The following PTPN4 variants were observed in gnomAD, a reference collection of about 807,000 sequenced individuals.
PTPN4 encodes protein tyrosine phosphatase non-receptor type 4, also known as tyrosine-protein phosphatase non-receptor type 4.
Under a neutral mutation model 135.5 loss-of-function variants are expected in PTPN4, and 49 were observed. The observed-to-expected ratio is 0.36, with a 90% confidence interval of 0.29 to 0.46. The LOEUF (loss-of-function observed/expected upper bound fraction) is 0.46, where lower values mean the gene tolerates loss of function less well. PTPN4 is among the 20% of genes least tolerant of loss of function. PTPN4 has a pLI of 1.00. For synonymous variants in PTPN4, 333 were observed against 369.9 expected (o/e 0.90, Z 1.14); for missense variants, 860 against 1,101.0 (o/e 0.78, Z 3.10).
chr2:119,811,053 A>C (rs1276170885), intron 2 of PTPN4, among the ~76,000 whole-genome samples: 1 of 152,028 alleles, frequency 6.6e-6, no homozygotes, highest in African/African-American at 2.4e-5. Context: ...GTAATATAAA[A>C]TATGAATCTT....
At position 119,801,900 on chromosome 2, in the gene PTPN4, G is replaced by GTTT. The variant is rs768983862; in HGVS notation, c.-17-7919_-17-7917dup. Among the ~76,000 whole-genome samples the GTTT allele has an allele frequency of 3.5e-3, 350 of 98,754 alleles. 16 individuals are homozygous for GTTT. The highest frequency in any genetic ancestry group is 9.6e-3 in the South Asian group (25 of 2,596). The allele number at this position is 98,754 out of a possible 152,430, so 64.8% of individuals were successfully genotyped here. On this transcript the variant is annotated intron_variant, in intron 1 of 26. Transcript: ENST00000263708. ...TTCTGTTTTTTCTTTCTTTCTTTCC[G>GTTT]TTTTTTTTTTTTTTTTTTTTGAGGC... is the stretch of plus-strand genomic sequence containing the variant.
chr2:119,889,464 A>G (rs1678209655), intron 9 of PTPN4, among the ~76,000 whole-genome samples: 1 of 152,146 alleles, frequency 6.6e-6, no homozygotes, highest in African/African-American at 2.4e-5. Flanking sequence ...TTTCTGTAGT[A>G]TCAGTTGCAG....
intron 14 of PTPN4, 134 bp downstream of exon 14, chr2:119,932,683 C>T: frequency 9.3e-7 from 1 of 1,077,238 alleles, no homozygotes; most frequent in Non-Finnish European, 1.3e-6. Context: ...TTTTGTTGCT[C>T]CAGAGCATTA....
Position 119,862,515 on chromosome 2 carries a change from AATT to A in PTPN4, c.139-20_139-18del. On this transcript the variant is annotated intron_variant, in intron 2 of 26. Coordinates refer to ENST00000263708, the MANE Select transcript of PTPN4 (RefSeq NM_002830.4). Reference sequence around the variant, plus strand: ...TAACCTATCAAAGTTGATTTCATTCAATTTTTTTTTTTTTTTACAGAAACATGA... The same window carrying A: ...TAACCTATCAAAGTTGATTTCATTCATTTTTTTTTTTTTACAGAAACATGA... 4 of 1,399,904 alleles carry A rather than the reference AATT, an allele frequency of 2.9e-6. No homozygotes were observed. Among genetic ancestry groups the A allele is most frequent in the Admixed American group, 3.5e-5 (2 of 56,882 alleles). The allele number at this position is 1,399,904 out of a possible 1,614,324, so 86.7% of individuals were successfully genotyped here.
chr2:119,846,944 A>G (rs1237581242), intron 2 of PTPN4, among the ~76,000 whole-genome samples: 6 of 151,236 alleles, frequency 4.0e-5, no homozygotes. Flanking sequence ...ACCCAAAAAT[A>G]TATTCTGTAA....
At chr2:119,783,683 A>C (rs1690988489) in intron 1 of PTPN4, among the ~76,000 whole-genome samples, 2 of 152,226 alleles carry the variant, frequency 1.3e-5, no homozygotes, top group African/African-American at 4.8e-5. Context: ...GCGTAACCGT[A>C]GGCAAGCCAC....
intron 15 of PTPN4, among the ~76,000 whole-genome samples, chr2:119,935,713 C>G (rs1481232185): frequency 3.3e-5 from 5 of 152,090 alleles, no homozygotes. Context: ...TATTTTATTA[C>G]TTTAGAAGTT....
rs377716798 is a variant in PTPN4 at position 119,882,082 on chromosome 2, G to A, written c.414-15G>A. 5 of 1,594,048 alleles carry A rather than the reference G, an allele frequency of 3.1e-6. No homozygotes were observed. The African/African-American group carries it at 5.4e-5, about 17-fold the overall frequency. On this transcript the variant is annotated splice_polypyrimidine_tract_variant and intron_variant, in intron 6 of 26. Transcript: ENST00000263708. ...GTTTAACCTTCGGTTGTGTATTTTT[G>A]TTTTGTTTTATTAGATTACCCTGTC... is the stretch of plus-strand genomic sequence containing the variant.
At chr2:119,872,610 C>G (rs1264838297) in intron 3 of PTPN4, among the ~76,000 whole-genome samples, 1 of 152,260 alleles carries the variant, frequency 6.6e-6, no homozygotes, top group Admixed American at 6.5e-5. Context: ...CCCTCTCAAG[C>G]CTTTCCTGAC....
chr2:119,872,584 G>C (rs972241729), intron 3 of PTPN4, among the ~76,000 whole-genome samples: 1 of 152,024 alleles, frequency 6.6e-6, no homozygotes, highest in Admixed American at 6.6e-5. Flanking sequence ...TTAAGACTCA[G>C]AGTAAAAGTC....
At chr2:119,970,508 C>A (rs1469053483) in intron 26 of PTPN4, among the ~76,000 whole-genome samples, 2 of 152,110 alleles carry the variant, frequency 1.3e-5, no homozygotes, top group African/African-American at 4.8e-5. Flanking sequence ...AATCTACTTT[C>A]TTTCTCTGTA....
chr2:119,951,829 A>G, intron 18 of PTPN4, 144 bp from the exon 19 acceptor site: 1 of 660,464 alleles, frequency 1.5e-6, no homozygotes, highest in Non-Finnish European at 2.2e-6. Flanking sequence ...AGATTTCTAC[A>G]TTTTTTAAAT....
chr2:119,823,712 G>A (rs530078956), intron 2 of PTPN4, among the ~76,000 whole-genome samples: 6 of 152,228 alleles, frequency 3.9e-5, no homozygotes, highest in Admixed American at 6.5e-5. Flanking sequence ...TAAAATCTTC[G>A]AAATATTTCT....
chr2:119,860,558 C>A (rs79222451), intron 2 of PTPN4, among the ~76,000 whole-genome samples: 1,892 of 152,182 alleles, frequency 0.012, 20 homozygotes, highest in Non-Finnish European at 0.019. Context: ...TCTGTACTTT[C>A]CATTATATGA....
chr2:119,927,407 C>T (rs186494038), intron 13 of PTPN4, among the ~76,000 whole-genome samples: 17 of 152,118 alleles, frequency 1.1e-4, no homozygotes, highest in Admixed American at 5.2e-4. Context: ...CCACCACTCC[C>T]GACCTAGCCA....
At chr2:119,899,523 A>T (rs1216691223) in intron 9 of PTPN4, among the ~76,000 whole-genome samples, 4 of 152,112 alleles carry the variant, frequency 2.6e-5, no homozygotes, top group Non-Finnish European at 5.9e-5. Flanking sequence ...CATTGATAAC[A>T]TATGTTCATA....
At chr2:119,905,784 T>A (rs1379466579) in intron 10 of PTPN4, among the ~76,000 whole-genome samples, 1 of 151,992 alleles carries the variant, frequency 6.6e-6, no homozygotes, top group Non-Finnish European at 1.5e-5. Flanking sequence ...CACAATGGAA[T>A]AAAACTAGAA....
At chr2:119,833,978 A>T (rs1677254978) in intron 2 of PTPN4, among the ~76,000 whole-genome samples, 1 of 152,182 alleles carries the variant, frequency 6.6e-6, no homozygotes, top group South Asian at 2.1e-4. Context: ...GTTTGTGATA[A>T]ACCCGAATTG....
intron 26 of PTPN4, among the ~76,000 whole-genome samples, chr2:119,969,986 A>G (rs915500729): frequency 6.6e-6 from 1 of 152,224 alleles, no homozygotes; most frequent in African/African-American, 2.4e-5. Context: ...AGCCGCTTAA[A>G]GTATACAATT....
Sources: gnomAD v4.1 joint callset for allele counts (sites outside exome capture counted in the v4.1 genomes callset) on GRCh38, gnomAD v4.1.1 for gene constraint, MANE v1.5 for transcripts, NCBI Gene and HGNC (gene_info 2026-07-23, HGNC 2026-07-21) for gene names.